TTC3: variants seen among roughly 807,000 people sequenced by gnomAD.
TTC3 encodes the protein E3 ubiquitin-protein ligase TTC3.
TTC3 carries 180 observed loss-of-function variants against 249.6 expected under a neutral mutation model. The ratio of observed to expected loss-of-function variants is 0.72; its 90% CI spans 0.64 to 0.82. The LOEUF is 0.82. TTC3 is among the 40% of genes least tolerant of loss of function. TTC3 has a pLI of 0.00. For missense variants in TTC3, 2,061 were observed against 2,398.4 expected, an observed-to-expected ratio of 0.86 and a Z score of 2.94; for synonymous variants, 717 against 805.0, an observed-to-expected ratio of 0.89 and a Z score of 1.85.
intron 10 of TTC3, among the ~76,000 whole-genome samples, chr21:37,097,102 G>A (rs1253455988): frequency 6.6e-6 from 1 of 151,914 alleles, no homozygotes; most frequent in Non-Finnish European, 1.5e-5. Flanking sequence ...GTTTATCCTG[G>A]TATAAAAAAT....
intron 35 of TTC3, 84 bp downstream of exon 35, chr21:37,172,828 T>C: frequency 6.7e-7 from 1 of 1,494,426 alleles, no homozygotes; most frequent in Non-Finnish European, 9.0e-7. Context: ...CGGCCTCAGC[T>C]GAACTTCTGC....
chr21:37,167,724 A>G, intron 34 of TTC3, 104 bp downstream of exon 34: 1 of 787,110 alleles, frequency 1.3e-6, no homozygotes, highest in Non-Finnish European at 2.0e-6. Context: ...ATTCCACACA[A>G]AGTTATCATG....
At chr21:37,191,560 C>A in intron 40 of TTC3, 136 bp downstream of exon 40, 1 of 532,146 alleles carries the variant, frequency 1.9e-6, no homozygotes, top group East Asian at 3.6e-5. Flanking sequence ...GTATTATGAG[C>A]TTTTCATGGA....
intron 38 of TTC3, chr21:37,187,749 A>C (rs142575812): frequency 6.6e-6 from 1 of 152,312 alleles, no homozygotes; most frequent in Non-Finnish European, 1.5e-5. Flanking sequence ...GACTTAGTTT[A>C]TACAGTCTGC....
At chr21:37,201,678 T>C in exon 46 of TTC3, 1 of 1,433,044 alleles carries the variant, frequency 7.0e-7, no homozygotes, top group Non-Finnish European at 9.4e-7. Flanking sequence ...TTGTGCATTG[T>C]GTGTCACAAA....
chr21:37,122,022 T>G (rs371798937), intron 12 of TTC3, 43 bp downstream of exon 12: 461 of 1,539,270 alleles, frequency 3.0e-4, no homozygotes, highest in Non-Finnish European at 3.9e-4. Context: ...TTAATTCCCT[T>G]TCAAACTTTG....
chr21:37,148,728 A>G, intron 23 of TTC3, 81 bp downstream of exon 23: 1 of 844,674 alleles, frequency 1.2e-6, no homozygotes, highest in Non-Finnish European at 1.8e-6. Context: ...CTTCCTGAAC[A>G]TTCTGCACAT....
chr21:37,200,257 T>C, exon 45 of TTC3: 1 of 1,614,158 alleles, frequency 6.2e-7, no homozygotes, highest in Non-Finnish European at 8.5e-7. Context: ...TCCTGTGAAA[T>C]ATGCCACGAG....
intron 37 of TTC3, among the ~76,000 whole-genome samples, chr21:37,186,819 C>T (rs1052966419): frequency 1.1e-4 from 16 of 152,190 alleles, no homozygotes; most frequent in African/African-American, 1.4e-4. Context: ...TCTCAGCATG[C>T]CCACCTAATG....
chr21:37,171,472 A>T (rs183120527), intron 34 of TTC3, among the ~76,000 whole-genome samples: 1 of 152,366 alleles, frequency 6.6e-6, no homozygotes, highest in Non-Finnish European at 1.5e-5. Flanking sequence ...CGTGAAGTTT[A>T]AATGTAATAA....
At chr21:37,186,915 G>A in intron 37 of TTC3, 134 bp from the exon 38 acceptor site, 1 of 564,066 alleles carries the variant, frequency 1.8e-6, no homozygotes, top group East Asian at 3.2e-5. Flanking sequence ...TAAAATATGA[G>A]ATGAGAAACT....
At chr21:37,158,564 G>A (rs2080348044) in intron 28 of TTC3, among the ~76,000 whole-genome samples, 1 of 152,150 alleles carries the variant, frequency 6.6e-6, no homozygotes, top group African/African-American at 2.4e-5. Flanking sequence ...ACAATGTCAT[G>A]AGTGCTTTGA....
chr21:37,156,140 A>G (rs1312149150), intron 27 of TTC3, among the ~76,000 whole-genome samples: 1 of 151,706 alleles, frequency 6.6e-6, no homozygotes, highest in Non-Finnish European at 1.5e-5. Context: ...GGGCTCAAGC[A>G]GTACCCCCAC....
At chr21:37,136,801 T>C (rs919509857) in intron 18 of TTC3, among the ~76,000 whole-genome samples, 4 of 152,206 alleles carry the variant, frequency 2.6e-5, no homozygotes, top group Non-Finnish European at 5.9e-5. Context: ...CATCTAGGAC[T>C]TTCATAGCTA....
chr21:37,165,025 C>T (rs1428919427), intron 32 of TTC3, among the ~76,000 whole-genome samples: 1 of 152,126 alleles, frequency 6.6e-6, no homozygotes, highest in East Asian at 1.9e-4. Flanking sequence ...TTCCAGAGAA[C>T]TCTTGGGTGA....
At chr21:37,167,655 T>C in intron 34 of TTC3, 35 bp downstream of exon 34, 1 of 1,526,590 alleles carries the variant, frequency 6.6e-7, no homozygotes, top group Non-Finnish European at 9.0e-7. Context: ...TTTAAAGGTT[T>C]AGTTTTCATT....
At chr21:37,202,448 A>G (rs1381574114) in exon 46 of TTC3, 1 of 152,278 alleles carries the variant, frequency 6.6e-6, no homozygotes, top group African/African-American at 2.4e-5. Flanking sequence ...CGTGCTGAGC[A>G]CACAACAGGC....
intron 10 of TTC3, chr21:37,100,988 T>C (rs1160117682): frequency 6.6e-6 from 1 of 152,232 alleles, no homozygotes; most frequent in Admixed American, 6.5e-5. Flanking sequence ...TGATTAGGCT[T>C]TGCCCACTTA....
intron 34 of TTC3, among the ~76,000 whole-genome samples, chr21:37,169,026 G>A (rs148198134): frequency 6.6e-6 from 1 of 152,106 alleles, no homozygotes; most frequent in South Asian, 2.1e-4. Context: ...GCTTTTCCCA[G>A]AGTGTGTGAT....
Sources: allele counts gnomAD v4.1 joint callset (sites outside exome capture counted in the v4.1 genomes callset), GRCh38; gene constraint gnomAD v4.1.1; transcripts MANE v1.5; gene names NCBI Gene and HGNC (gene_info 2026-07-23, HGNC 2026-07-21).